CNTN6: variants seen among roughly 807,000 people sequenced by gnomAD.
CNTN6 encodes contactin 6.
CNTN6 carries 137 observed loss-of-function variants against 122.8 expected under a neutral mutation model. That is an observed-to-expected ratio of 1.12 (90% CI 0.97 to 1.29). CNTN6 has a LOEUF of 1.29. CNTN6 is among the 50% of genes most tolerant of loss of function. The probability of loss-of-function intolerance (pLI) is 0.00; values close to 1 mark genes in which losing one functional copy is unlikely to be tolerated. For missense variants in CNTN6, 1,634 were observed against 1,223.4 expected (o/e 1.34, Z -5.01); for synonymous variants, 570 against 426.0 (o/e 1.34, Z -4.16).
At chr3:1,320,929 T>G (rs1700754464) in intron 7 of CNTN6, among the ~76,000 whole-genome samples, 1 of 151,704 alleles carries the variant, frequency 6.6e-6, no homozygotes, top group Non-Finnish European at 1.5e-5. Flanking sequence ...AAATTAATAT[T>G]AATAAAGTAA....
intron 20 of CNTN6, among the ~76,000 whole-genome samples, chr3:1,396,776 A>T (rs1177831948): frequency 6.6e-6 from 1 of 152,228 alleles, no homozygotes; most frequent in African/African-American, 2.4e-5. Flanking sequence ...CATCCAAAGC[A>T]TGCATGAAAA....
chr3:1,252,261 T>G (rs1257354284), intron 4 of CNTN6, among the ~76,000 whole-genome samples: 1 of 152,218 alleles, frequency 6.6e-6, no homozygotes, highest in Non-Finnish European at 1.5e-5. Context: ...GAACAGCCTT[T>G]TCATTGTGCT....
chr3:1,352,182 A>G (rs1309502980), intron 11 of CNTN6, 142 bp from the exon 12 acceptor site: 1 of 616,054 alleles, frequency 1.6e-6, no homozygotes, highest in Non-Finnish European at 2.5e-6. Context: ...CTCACAATGA[A>G]GAACAGAATA....
At chr3:1,184,370 G>C (rs1229146913) in intron 2 of CNTN6, among the ~76,000 whole-genome samples, 1 of 152,138 alleles carries the variant, frequency 6.6e-6, no homozygotes, top group East Asian at 1.9e-4. Flanking sequence ...TTCTAACCCA[G>C]AAATTACAGT....
At chr3:1,285,540 ATACT>A (rs1694180687) in intron 5 of CNTN6, among the ~76,000 whole-genome samples, 1 of 152,218 alleles carries the variant, frequency 6.6e-6, no homozygotes, top group Non-Finnish European at 1.5e-5. Flanking sequence ...AAGATAATGA[ATACT>A]TACTATGTAC....
chr3:1,387,737 T>C (rs946721301), intron 20 of CNTN6, among the ~76,000 whole-genome samples: 18 of 152,082 alleles, frequency 1.2e-4, no homozygotes, highest in South Asian at 2.1e-4. Context: ...GGGCGAGGCA[T>C]TGCCTCACTT....
At chr3:1,271,508 C>A (rs1409341018) in intron 4 of CNTN6, among the ~76,000 whole-genome samples, 1 of 152,122 alleles carries the variant, frequency 6.6e-6, no homozygotes, top group African/African-American at 2.4e-5. Context: ...GGTGATGCAC[C>A]ACACCTCTGT....
chr3:1,358,086 A>T (rs899217383), intron 12 of CNTN6, among the ~76,000 whole-genome samples: 2 of 151,836 alleles, frequency 1.3e-5, no homozygotes, highest in African/African-American at 4.8e-5. Context: ...TTTCATTCAA[A>T]TGCTACCTTA....
At chr3:1,229,836 T>C (rs1056987427) in intron 4 of CNTN6, among the ~76,000 whole-genome samples, 16 of 152,206 alleles carry the variant, frequency 1.1e-4, no homozygotes, top group African/African-American at 3.6e-4. Flanking sequence ...TGACTGTTGA[T>C]CTTGAAAAGC....
At chr3:1,180,779 T>C (rs1277915466) in intron 2 of CNTN6, among the ~76,000 whole-genome samples, 1 of 152,220 alleles carries the variant, frequency 6.6e-6, no homozygotes, top group Non-Finnish European at 1.5e-5. Context: ...TGCACACATT[T>C]ATATGGTTTG....
intron 17 of CNTN6, among the ~76,000 whole-genome samples, chr3:1,377,645 T>G (rs1710071422): frequency 6.6e-6 from 1 of 152,068 alleles, no homozygotes; most frequent in Non-Finnish European, 1.5e-5. Flanking sequence ...TTCAACCAAT[T>G]TAAAGTTTCT....
intron 20 of CNTN6, among the ~76,000 whole-genome samples, chr3:1,393,520 C>A (rs1196934535): frequency 7.1e-6 from 1 of 141,360 alleles, no homozygotes; most frequent in East Asian, 2.1e-4. Flanking sequence ...AACTAACCTG[C>A]ACGTTGTGCA....
At chr3:1,384,576 G>A (rs1692460246) in intron 19 of CNTN6, among the ~76,000 whole-genome samples, 1 of 151,258 alleles carries the variant, frequency 6.6e-6, no homozygotes, top group South Asian at 2.1e-4. Flanking sequence ...TTTTCAACTT[G>A]CAAATTCAGT....
intron 22 of CNTN6, chr3:1,402,849 C>T (rs1695901815): frequency 9.9e-6 from 2 of 202,296 alleles, no homozygotes; most frequent in South Asian, 2.1e-4. Flanking sequence ...TAAATATACA[C>T]CCTTTCCCAT....
chr3:1,107,554 T>G (rs2091283286), intron 1 of CNTN6, among the ~76,000 whole-genome samples: 1 of 152,084 alleles, frequency 6.6e-6, no homozygotes, highest in South Asian at 2.1e-4. Context: ...ATTAATCATA[T>G]TTTAGACTCC....
intron 20 of CNTN6, among the ~76,000 whole-genome samples, chr3:1,389,679 G>A (rs1693795721): frequency 6.6e-6 from 1 of 151,888 alleles, no homozygotes; most frequent in East Asian, 1.9e-4. Flanking sequence ...CATCTCACGT[G>A]CAGAGACACA....
At chr3:1,368,495 A>C (rs1010277194) in intron 12 of CNTN6, among the ~76,000 whole-genome samples, 4 of 152,208 alleles carry the variant, frequency 2.6e-5, no homozygotes, top group Non-Finnish European at 5.9e-5. Context: ...ATGGTTTCAT[A>C]AAAGTTGCAT....
At chr3:1,246,532 C>G (rs2094585279) in intron 4 of CNTN6, among the ~76,000 whole-genome samples, 1 of 152,058 alleles carries the variant, frequency 6.6e-6, no homozygotes, top group Non-Finnish European at 1.5e-5. Flanking sequence ...GTAAATATTT[C>G]TCTGTTGTAT....
chr3:1,140,020 T>C (rs150413826), intron 1 of CNTN6, among the ~76,000 whole-genome samples: 276 of 152,324 alleles, frequency 1.8e-3, no homozygotes, highest in Non-Finnish European at 3.1e-3. Flanking sequence ...TTCTAGTTTA[T>C]ATTAACAATA....
Sources: allele counts gnomAD v4.1 joint callset (sites outside exome capture counted in the v4.1 genomes callset), GRCh38; gene constraint gnomAD v4.1.1; transcripts MANE v1.5; gene names NCBI Gene and HGNC (gene_info 2026-07-23, HGNC 2026-07-21).